The following KCTD16 variants were observed in gnomAD, a reference collection of about 807,000 sequenced individuals.
The protein encoded by KCTD16 is BTB/POZ domain-containing protein KCTD16.
Under a neutral mutation model 33.2 loss-of-function variants are expected in KCTD16, and 13 were observed. The observed-to-expected ratio is 0.39, with a 90% confidence interval of 0.25 to 0.62. The LOEUF (loss-of-function observed/expected upper bound fraction) is 0.62. KCTD16 is among the 20% of genes least tolerant of loss of function. KCTD16 has a pLI of 0.50. For missense variants in KCTD16, 441 were observed against 525.1 expected, an observed-to-expected ratio of 0.84 and a Z score of 1.57; for synonymous variants, 197 against 195.3, an observed-to-expected ratio of 1.01 and a Z score of -0.07.
chr5:144,391,670 C>G (rs979362917), intron 3 of KCTD16, among the ~76,000 whole-genome samples: 1 of 152,170 alleles, frequency 6.6e-6, no homozygotes, highest in African/African-American at 2.4e-5. Context: ...AATGGTAACT[C>G]TATACCCTGA....
intron 3 of KCTD16, among the ~76,000 whole-genome samples, chr5:144,244,134 G>A (rs1383165532): frequency 2.0e-5 from 3 of 152,038 alleles, no homozygotes; most frequent in Non-Finnish European, 4.4e-5. Flanking sequence ...CACTCTTTGG[G>A]GGATTCAGGA....
At chr5:144,239,111 T>A (rs1354120333) in intron 3 of KCTD16, among the ~76,000 whole-genome samples, 1 of 152,162 alleles carries the variant, frequency 6.6e-6, no homozygotes, top group African/African-American at 2.4e-5. Context: ...AGACCTCAGT[T>A]GTCTTATCTG....
intron 3 of KCTD16, among the ~76,000 whole-genome samples, chr5:144,344,620 G>A (rs1752735829): frequency 6.6e-6 from 1 of 151,162 alleles, no homozygotes; most frequent in Non-Finnish European, 1.5e-5. Flanking sequence ...ACCATCACTG[G>A]CCATCAGAGA....
At chr5:144,222,325 A>G (rs1485053358) in intron 3 of KCTD16, among the ~76,000 whole-genome samples, 1 of 152,224 alleles carries the variant, frequency 6.6e-6, no homozygotes, top group Non-Finnish European at 1.5e-5. Flanking sequence ...TTAAATTATT[A>G]TAAGACTAGC....
chr5:144,450,646 G>A (rs1753920520), intron 3 of KCTD16, among the ~76,000 whole-genome samples: 1 of 151,978 alleles, frequency 6.6e-6, no homozygotes, highest in South Asian at 2.1e-4. Flanking sequence ...TTCTCATTTG[G>A]GTGATAGATG....
intron 3 of KCTD16, among the ~76,000 whole-genome samples, chr5:144,334,980 A>G (rs564118134): frequency 2.0e-5 from 3 of 151,746 alleles, no homozygotes; most frequent in Non-Finnish European, 4.4e-5. Flanking sequence ...TGGTCTCACT[A>G]TGTTGCCCAG....
chr5:144,409,355 A>G (rs1002432607), intron 3 of KCTD16, among the ~76,000 whole-genome samples: 10 of 152,168 alleles, frequency 6.6e-5, no homozygotes, highest in Non-Finnish European at 1.5e-4. Context: ...TAGGTTGGAA[A>G]CTTTATTTCA....
chr5:144,367,763 G>A (rs1751871703), intron 3 of KCTD16, among the ~76,000 whole-genome samples: 1 of 149,280 alleles, frequency 6.7e-6, no homozygotes, highest in Non-Finnish European at 1.5e-5. Context: ...AAGATACATT[G>A]TGGGATGCTG....
intron 3 of KCTD16, among the ~76,000 whole-genome samples, chr5:144,330,792 T>C (rs1426590709): frequency 6.6e-6 from 1 of 152,228 alleles, no homozygotes; most frequent in Non-Finnish European, 1.5e-5. Flanking sequence ...AATGGCAGAC[T>C]TGAACTGCAT....
chr5:144,344,520 C>G (rs951664307), intron 3 of KCTD16, among the ~76,000 whole-genome samples: 64 of 151,804 alleles, frequency 4.2e-4, no homozygotes, highest in Middle Eastern at 3.4e-3. Context: ...AAAAAACAAA[C>G]AACCCCATCA....
At chr5:144,382,614 A>T (rs910230514) in intron 3 of KCTD16, among the ~76,000 whole-genome samples, 4 of 152,130 alleles carry the variant, frequency 2.6e-5, no homozygotes, top group Admixed American at 2.6e-4. Context: ...AGAAAACTGG[A>T]AATTTGTTTT....
At chr5:144,398,599 T>A (rs1752630917) in intron 3 of KCTD16, among the ~76,000 whole-genome samples, 1 of 152,120 alleles carries the variant, frequency 6.6e-6, no homozygotes. Flanking sequence ...TAAAATTTAT[T>A]CACAAGTTTT....
chr5:144,287,639 A>G (rs779328763), intron 3 of KCTD16, among the ~76,000 whole-genome samples: 9 of 151,904 alleles, frequency 5.9e-5, no homozygotes, highest in Non-Finnish European at 1.2e-4. Context: ...TAATAATATT[A>G]TTATTATTCT....
At chr5:144,340,989 G>A (rs1049909634) in intron 3 of KCTD16, among the ~76,000 whole-genome samples, 1 of 152,120 alleles carries the variant, frequency 6.6e-6, no homozygotes, top group Admixed American at 6.5e-5. Flanking sequence ...AGGTTGCAGT[G>A]AGCCGAGATT....
At chr5:144,326,412 ATGTT>A (rs1219694070) in intron 3 of KCTD16, among the ~76,000 whole-genome samples, 2 of 152,186 alleles carry the variant, frequency 1.3e-5, no homozygotes, top group Non-Finnish European at 2.9e-5. Context: ...TTTTTAAAAA[ATGTT>A]TGTAACCTTT....
chr5:144,201,278 C>T (rs114493944), intron 2 of KCTD16, among the ~76,000 whole-genome samples: 4,172 of 152,260 alleles, frequency 0.027, 87 homozygotes, highest in Middle Eastern at 0.044. Context: ...TTAACCACTG[C>T]GATACTGATT....
At chr5:144,323,555 C>T (rs1319064034) in intron 3 of KCTD16, among the ~76,000 whole-genome samples, 3 of 152,140 alleles carry the variant, frequency 2.0e-5, no homozygotes, top group Non-Finnish European at 4.4e-5. Flanking sequence ...GAAAGGAGTC[C>T]TATGTCTCTT....
intron 3 of KCTD16, among the ~76,000 whole-genome samples, chr5:144,466,359 G>A (rs944396144): frequency 1.3e-5 from 2 of 151,188 alleles, no homozygotes; most frequent in African/African-American, 4.9e-5. Context: ...CCACACATCA[G>A]GAAGAGCACC....
At chr5:144,249,967 C>T (rs1754651628) in intron 3 of KCTD16, among the ~76,000 whole-genome samples, 2 of 152,186 alleles carry the variant, frequency 1.3e-5, no homozygotes, top group South Asian at 4.1e-4. Context: ...TCAAATTTTG[C>T]TGACTCAAGT....
Sources: gnomAD v4.1 joint callset for allele counts (sites outside exome capture counted in the v4.1 genomes callset) on GRCh38, gnomAD v4.1.1 for gene constraint, MANE v1.5 for transcripts, NCBI Gene and HGNC (gene_info 2026-07-23, HGNC 2026-07-21) for gene names.